The following GRIN2B variants were observed in gnomAD, a reference collection of about 807,000 sequenced individuals.
GRIN2B encodes the protein glutamate receptor ionotropic, NMDA 2B.
Under a neutral mutation model 114.5 loss-of-function variants are expected in GRIN2B, and 5 were observed. That is an observed-to-expected ratio of 0.04 (90% confidence interval 0.02 to 0.09). The LOEUF is 0.09. Ranked by LOEUF, GRIN2B falls within the 10% of genes least tolerant of loss-of-function variation. The pLI, the probability that GRIN2B is intolerant of heterozygous loss-of-function variation, is 1.00. For missense variants in GRIN2B, 1,108 were observed against 1,943.5 expected (o/e 0.57, Z 8.08); for synonymous variants, 787 against 745.1 (o/e 1.06, Z -0.92).
intron 2 of GRIN2B, among the ~76,000 whole-genome samples, chr12:13,922,302 C>T (rs1221689718): frequency 6.6e-6 from 1 of 152,076 alleles, no homozygotes; most frequent in African/African-American, 2.4e-5. Flanking sequence ...TAGCAGGGTG[C>T]CCTGGGTGTC....
At chr12:13,970,536 A>G (rs1310126134) in intron 2 of GRIN2B, among the ~76,000 whole-genome samples, 3 of 152,246 alleles carry the variant, frequency 2.0e-5, no homozygotes, top group Non-Finnish European at 4.4e-5. Context: ...GACCATGTGC[A>G]GAGAGCACTC....
In GRIN2B at chr12:13,564,214, G is replaced by T. The variant is rs1948602060; in HGVS notation, c.3024C>A (p.Asn1008Lys). 6.2e-7 allele frequency: 1 copy of T among 1,614,184 alleles called. No homozygotes were observed. The highest frequency in any genetic ancestry group is 2.2e-5 in the East Asian group (1 of 44,868). ...SSIDGLYDCDNPPFTTQSRSI... is the reference protein window; with the variant it reads ...SSIDGLYDCDKPPFTTQSRSI... ...ACCTGGACTGGGTGGTGAAGGGTGG[G>T]TTGTCACAGTCGTAGAGCCCATCGA... Residue 1008 changes from asparagine to lysine, a missense_variant, in exon 14 of 14, where the codon AAC becomes AAA. By Grantham distance (94) the Asn-to-Lys change is moderately conservative (BLOSUM62 0). This residue lies in a region of GRIN2B where 140 missense variants were observed against 187.5 expected (regional missense o/e 0.75). Coordinates refer to ENST00000609686, the MANE Select transcript of GRIN2B (RefSeq NM_000834.5). This position sits in a 1 kb window ranked among gnomAD's most constrained non-coding sequence, Gnocchi z 4.8.
chr12:13,828,382 G>T (rs923022781), intron 3 of GRIN2B, among the ~76,000 whole-genome samples: 4 of 152,114 alleles, frequency 2.6e-5, no homozygotes, highest in Non-Finnish European at 4.4e-5. Context: ...CTTGATAATT[G>T]TTTTTTTCCA....
At chr12:13,611,510 G>GGC (rs776328310) in intron 9 of GRIN2B, among the ~76,000 whole-genome samples, 3 of 152,094 alleles carry the variant, frequency 2.0e-5, no homozygotes, top group Non-Finnish European at 4.4e-5. Context: ...CTAGGCTTGG[G>GGC]GCCAGGCATA....
intron 2 of GRIN2B, among the ~76,000 whole-genome samples, chr12:13,949,029 T>C (rs1867423647): frequency 6.6e-6 from 1 of 152,120 alleles, no homozygotes; most frequent in Non-Finnish European, 1.5e-5. Flanking sequence ...GTATCACAAG[T>C]CCTCAGCAGG....
chr12:13,720,234 G>A (rs1950495185), intron 4 of GRIN2B, among the ~76,000 whole-genome samples: 1 of 151,952 alleles, frequency 6.6e-6, no homozygotes. Context: ...CAGGGTGTCT[G>A]GCTCCTCAGT....
intron 2 of GRIN2B, among the ~76,000 whole-genome samples, chr12:13,896,437 A>C (rs1371114466): frequency 6.6e-6 from 1 of 152,186 alleles, no homozygotes; most frequent in Non-Finnish European, 1.5e-5. Flanking sequence ...CAGTATTACC[A>C]CTGGCCAGTG....
At chr12:13,889,886 A>G (rs1866228748) in intron 2 of GRIN2B, among the ~76,000 whole-genome samples, 2 of 152,198 alleles carry the variant, frequency 1.3e-5, no homozygotes, top group Admixed American at 1.3e-4. Context: ...CAGGGAAACA[A>G]TCCTCCCCTT....
At position 13,866,070 on chromosome 12, in the gene GRIN2B, C is replaced by T. The variant is rs867779077; in HGVS notation, c.139G>A (p.Glu47Lys). The change falls in exon 3 of 14, where the codon GAG (glutamate) becomes AAG (lysine). Residue 47 changes from glutamate to lysine, a missense_variant. Physicochemically the swap from Glu to Lys is moderately conservative, Grantham distance 56 (BLOSUM62 1). Transcript: ENST00000609686. ...TCGTGGGCATCCTTGATGGCCACCT[C>T]GTCGGAAGTGCCCACGAGGATGACA... ...IAVILVGTSD[E>K]VAIKDAHEKD... 1.2e-6 allele frequency: 2 copies of T among 1,614,030 alleles called. No homozygotes were observed. The highest frequency in any genetic ancestry group is 1.1e-5 in the South Asian group (1 of 91,076).
intron 2 of GRIN2B, among the ~76,000 whole-genome samples, chr12:13,900,243 G>A (rs1471521212): frequency 2.0e-5 from 3 of 152,082 alleles, no homozygotes; most frequent in Admixed American, 2.0e-4. Context: ...GGAGGCCAAG[G>A]AGGGTGGATC....
intron 2 of GRIN2B, among the ~76,000 whole-genome samples, chr12:13,892,648 GC>G (rs1476153830): frequency 1.3e-5 from 2 of 152,172 alleles, no homozygotes; most frequent in Non-Finnish European, 2.9e-5. Context: ...GGCAGAGACT[GC>G]CACCTTAGAG....
At position 13,797,701 on chromosome 12, in the gene GRIN2B, A is replaced by G. The variant is rs533754916; in HGVS notation, c.412-43786T>C. Among the ~76,000 whole-genome samples, 6 of 152,336 alleles carry G rather than the reference A, an allele frequency of 3.9e-5. No homozygotes were observed. In the South Asian group the frequency reaches 1.0e-3, roughly 26 times the overall value. ...AAATTCAGCAAGAGTTTCATGATCTATGAGGTGGAGGTAATATTCTTGTTT... is the reference window on the plus strand; with the variant it reads ...AAATTCAGCAAGAGTTTCATGATCTGTGAGGTGGAGGTAATATTCTTGTTT... On this transcript the variant is annotated intron_variant, in intron 3 of 13. Coordinates refer to ENST00000609686, the MANE Select transcript of GRIN2B (RefSeq NM_000834.5).
chr12:13,710,951 G>A (rs1950408904), intron 4 of GRIN2B, among the ~76,000 whole-genome samples: 1 of 151,954 alleles, frequency 6.6e-6, no homozygotes, highest in Non-Finnish European at 1.5e-5. Context: ...CAAAGCTGGA[G>A]GCATCATGCT....
At chr12:13,565,507 G>C (rs1948627143) in intron 13 of GRIN2B, among the ~76,000 whole-genome samples, 1 of 152,104 alleles carries the variant, frequency 6.6e-6, no homozygotes, top group African/African-American at 2.4e-5. Context: ...TTTGTACAGG[G>C]CTTTGAAGGA....
chr12:13,607,273 AAT>A (rs1249838673), intron 10 of GRIN2B, among the ~76,000 whole-genome samples: 26 of 17,772 alleles, frequency 1.5e-3, no homozygotes, highest in Non-Finnish European at 2.7e-3. Context: ...TAATATATAA[AAT>A]ATATAATATA....
intron 10 of GRIN2B, among the ~76,000 whole-genome samples, chr12:13,582,539 G>A (rs1416260607): frequency 6.6e-6 from 1 of 152,166 alleles, no homozygotes; most frequent in Non-Finnish European, 1.5e-5. Context: ...ATTGCCTACA[G>A]TGGCAAACAC....
intron 2 of GRIN2B, among the ~76,000 whole-genome samples, chr12:13,971,636 T>C (rs1335632784): frequency 6.6e-6 from 1 of 152,164 alleles, no homozygotes; most frequent in Non-Finnish European, 1.5e-5. Context: ...CAGCCCCATT[T>C]ATTAATAGTT....
In GRIN2B at chr12:13,543,913, C is replaced by G. The variant is rs1591594060; in HGVS notation, c.*18870G>C. On this transcript the variant is annotated 3_prime_UTR_variant, in exon 14 of 14. Transcript: ENST00000609686. Reference sequence around the variant, plus strand: ...CTGGTTAGTCCCCTGAAGCCAGTCCCTCTATGTTTGTATTGAATCCCATGC... The same window carrying G: ...CTGGTTAGTCCCCTGAAGCCAGTCCGTCTATGTTTGTATTGAATCCCATGC... The G allele has an allele frequency of 7.4e-6, 1 of 135,168 alleles. No homozygotes were observed. The highest frequency in any genetic ancestry group is 1.8e-5 in the Non-Finnish European group (1 of 56,508). The allele number at this position is 135,168 out of a possible 1,614,324, so 8.4% of individuals were successfully genotyped here.
chr12:13,789,051 G>C (rs1405177396), intron 3 of GRIN2B, among the ~76,000 whole-genome samples: 1 of 148,568 alleles, frequency 6.7e-6, no homozygotes, highest in Non-Finnish European at 1.5e-5. Flanking sequence ...CTTGCCAAAG[G>C]CTTCTTAAAG....
Sources: allele counts gnomAD v4.1 joint callset (sites outside exome capture counted in the v4.1 genomes callset), GRCh38; gene constraint gnomAD v4.1.1; regional missense constraint gnomAD v4.1.1; non-coding constraint Gnocchi (gnomAD v3.1); transcripts MANE v1.5; gene names NCBI Gene and HGNC (gene_info 2026-07-23, HGNC 2026-07-21).